Variants in PPIE observed in about 807,000 individuals in gnomAD.
PPIE encodes peptidyl-prolyl cis-trans isomerase E.
Under a neutral mutation model 38.4 loss-of-function variants are expected in PPIE, and 20 were observed. The ratio of observed to expected loss-of-function variants is 0.52; its 90% CI spans 0.37 to 0.76. PPIE has a LOEUF of 0.76. PPIE is among the 30% of genes least tolerant of loss of function. PPIE has a pLI of 0.00. For missense variants in PPIE, 322 were observed against 385.8 expected, an observed-to-expected ratio of 0.83 and a Z score of 1.39; for synonymous variants, 142 against 135.7, an observed-to-expected ratio of 1.05 and a Z score of -0.32.
At chr1:39,762,979 C>A in intron 9 of PPIE, 8 of 1,317,430 alleles carry the variant, frequency 6.1e-6, no homozygotes, top group Non-Finnish European at 8.6e-6. Context: ...GCAGACAAAG[C>A]CCCCTGAGAC....
chr1:39,762,485 A>T, intron 9 of PPIE: 2 of 1,540,990 alleles, frequency 1.3e-6, no homozygotes, highest in Non-Finnish European at 1.7e-6. Flanking sequence ...AGCACCAGTG[A>T]TCCCATCAGA....
At chr1:39,747,653 G>A (rs555697717) in intron 7 of PPIE, 17 of 151,450 alleles carry the variant, frequency 1.1e-4, no homozygotes, top group African/African-American at 3.6e-4. Context: ...TAGTAGAGAC[G>A]AGGTTTCACC....
At chr1:39,760,452 G>A (rs770513666), downstream of PPIE, 4 of 1,614,036 alleles carry the variant, frequency 2.5e-6, no homozygotes, top group African/African-American at 1.3e-5. Flanking sequence ...CCACCATGTT[G>A]CGGTGCTTGC....
In PPIE at chr1:39,753,057, G is replaced by T. The variant is rs1229525312; in HGVS notation, c.837+5G>T. ...GATGTCTTGCGGCAAATTGAGGTAT[G>T]TGGCCAGGAATGGGCCTCCTCCTTA... On this transcript the variant is annotated splice_donor_5th_base_variant and intron_variant, in intron 9 of 9. Transcript: ENST00000324379. 1 of 1,614,136 alleles carries T rather than the reference G, an allele frequency of 6.2e-7. No homozygotes were observed. Among genetic ancestry groups the T allele is most frequent in the Admixed American group, 1.7e-5 (1 of 60,030 alleles).
chr1:39,757,268 ATTG>A (rs746372301), downstream of PPIE: 2 of 152,256 alleles, frequency 1.3e-5, no homozygotes, highest in African/African-American at 2.4e-5. Context: ...GCAAATACCT[ATTG>A]TTAAGCATTT....
chr1:39,742,999 T>C (rs1647100230), intron 4 of PPIE: 1 of 469,624 alleles, frequency 2.1e-6, no homozygotes, highest in Admixed American at 3.6e-5. Context: ...CCAGAGTTAC[T>C]TTTGGTAATA....
downstream of PPIE, chr1:39,758,935 G>T (rs1648582186): frequency 1.3e-5 from 2 of 152,276 alleles, no homozygotes; most frequent in Admixed American, 6.5e-5. Flanking sequence ...CCTCCCTGGG[G>T]GTGCAGCACG....
At chr1:39,762,321 G>A (rs375519987) in intron 9 of PPIE, 20 of 596,790 alleles carry the variant, frequency 3.4e-5, no homozygotes, top group East Asian at 2.3e-4. Context: ...ATTACAGGGT[G>A]AGCCACCGCA....
intron 7 of PPIE, chr1:39,747,455 CTTTTTTTTTTT>C (rs35755213): frequency 1.4e-4 from 10 of 72,972 alleles, no homozygotes; most frequent in African/African-American, 3.2e-4. Context: ...CACATCTTCT[CTTTTTTTTTTT>C]TTTTTTTTTT....
At chr1:39,745,641 T>G in intron 7 of PPIE, 143 bp downstream of exon 7, 2 of 1,309,736 alleles carry the variant, frequency 1.5e-6, no homozygotes, top group Non-Finnish European at 2.1e-6. Context: ...TCCTGGGATC[T>G]AGTAACAGAT....
At chr1:39,758,859 G>A (rs905588477), downstream of PPIE, 1 of 152,238 alleles carries the variant, frequency 6.6e-6, no homozygotes, top group Non-Finnish European at 1.5e-5. Flanking sequence ...TCCAGGTGGA[G>A]GGGCTGCTGT....
At chr1:39,753,145 G>A (rs1256093244) in intron 9 of PPIE, 93 bp downstream of exon 9, 2 of 1,593,588 alleles carry the variant, frequency 1.3e-6, no homozygotes, top group Non-Finnish European at 1.7e-6. Context: ...TGAGAGAGAT[G>A]GCCAGGGGCT....
intron 6 of PPIE, 109 bp downstream of exon 6, chr1:39,744,033 A>G (rs1488808050): frequency 1.6e-6 from 1 of 643,392 alleles, no homozygotes; most frequent in Non-Finnish European, 2.6e-6. Context: ...AAGTGGAGGG[A>G]ATGAATAATG....
Position 39,743,218 on chromosome 1 carries a change from T to C in PPIE, c.204T>C (p.Asn68=). ...AGCTGGATTTTCAATCTTTTCAGAA[T>C]GAATCTGAGCTTTTTGGACGTACAA... is the stretch of plus-strand genomic sequence containing the variant. ...EDAAAAIDNM[N]ESELFGRTIR... Residue 68 remains asparagine (N), a splice_region_variant and synonymous_variant, in exon 5 of 10, where the codon AAT becomes AAC. Transcript: ENST00000324379. 6.2e-7 allele frequency: 1 copy of C among 1,614,124 alleles called. No homozygotes were observed. Among genetic ancestry groups the C allele is most frequent in the Non-Finnish European group, 8.5e-7 (1 of 1,179,944 alleles).
intron 2 of PPIE, among the ~76,000 whole-genome samples, chr1:39,740,704 G>C (rs1183568450): frequency 2.0e-5 from 3 of 152,194 alleles, no homozygotes; most frequent in Non-Finnish European, 4.4e-5. Flanking sequence ...GTTTCCCATC[G>C]ATTGGTATCA....
intron 4 of PPIE, 72 bp downstream of exon 4, chr1:39,741,993 G>C: frequency 1.9e-6 from 3 of 1,540,140 alleles, no homozygotes; most frequent in South Asian, 2.3e-5. Flanking sequence ...TCATATATCA[G>C]TGTTCTGGAC....
intron 1 of PPIE, 149 bp downstream of exon 1, chr1:39,739,080 G>C (rs2124276752): frequency 1.2e-6 from 1 of 836,096 alleles, no homozygotes; most frequent in Non-Finnish European, 1.7e-6. Flanking sequence ...AGCTCTGGCT[G>C]TGCTTAAACT....
At position 39,753,742 on chromosome 1, in the gene PPIE, G is replaced by A. The variant is rs1360839657; in HGVS notation, c.*387G>A. 1.1e-5 allele frequency: 11 copies of A among 1,024,282 alleles called. No individual in the cohort carries two copies. Among genetic ancestry groups the A allele is most frequent in the Non-Finnish European group, 1.3e-5 (11 of 854,520 alleles). 63.4% of individuals were successfully genotyped at this position (1,024,282 alleles called of 1,614,324 possible). A position where few individuals can be genotyped will look rare whatever the true frequency, so the allele number is the denominator to read the frequency against. Reference sequence around the variant, plus strand: ...GTTCTTGGGAGTTGTCAGAGATTGTGTCTGTGGCTAAGCTGGACCTCTGAG... The same window carrying A: ...GTTCTTGGGAGTTGTCAGAGATTGTATCTGTGGCTAAGCTGGACCTCTGAG... On this transcript the variant is annotated 3_prime_UTR_variant, in exon 10 of 10. Transcript: ENST00000324379.
At chr1:39,763,124 T>C (rs1649243852) in intron 9 of PPIE, 1 of 1,613,988 alleles carries the variant, frequency 6.2e-7, no homozygotes, top group East Asian at 2.2e-5. Context: ...TTGGTGGCAT[T>C]CATGCAGGAG....
Sources: allele counts gnomAD v4.1 joint callset (sites outside exome capture counted in the v4.1 genomes callset), GRCh38; gene constraint gnomAD v4.1.1; transcripts MANE v1.5; gene names NCBI Gene and HGNC (gene_info 2026-07-23, HGNC 2026-07-21).